The following PLB1 variants were observed in gnomAD, a reference collection of about 807,000 sequenced individuals.
PLB1 encodes phospholipase B1, membrane-associated.
In PLB1, 242 loss-of-function variants were observed where a neutral mutation model predicts 227.4. The ratio of observed to expected loss-of-function variants is 1.06; its 90% confidence interval spans 0.96 to 1.18. The LOEUF is 1.18. Among genes scored for constraint, PLB1 ranks in the 50% most tolerant of loss-of-function variants. The probability of loss-of-function intolerance (pLI) is 0.00; values close to 1 mark genes in which losing one functional copy is unlikely to be tolerated. For synonymous variants in PLB1, 757 were observed against 682.2 expected, an observed-to-expected ratio of 1.11 and a Z score of -1.71; for missense variants, 1,858 against 1,816.3, an observed-to-expected ratio of 1.02 and a Z score of -0.42.
rs72793588 is a variant in PLB1, at chr2:28,601,936, G to T, written c.2645G>T (p.Arg882Leu). The change falls in exon 38 of 58, where the codon CGC (arginine) becomes CTC (leucine). Residue 882 changes from arginine (R) to leucine (L), a missense_variant. Physicochemically the swap from Arg to Leu is moderately radical, Grantham distance 102 (BLOSUM62 -2). Coordinates refer to ENST00000327757, the MANE Select transcript of PLB1 (RefSeq NM_153021.5). ...YSAANFVHHL[R>L]NALDVLHREV... The stretch of plus-strand genomic sequence containing the variant: ...GCAGCCAACTTTGTTCACCATCTCC[G>T]CAATGCCTTGGACGTCCTGCATAGA... 3.7e-6 allele frequency: 6 copies of T among 1,611,256 alleles called. No homozygotes were observed. The highest frequency in any genetic ancestry group is 1.1e-5 in the South Asian group (1 of 91,010).
rs1682404651 is a variant in PLB1, at chr2:28,593,740, G to A, written c.2307G>A (p.Arg769=). Residue 769 remains arginine (R), a synonymous_variant, in exon 33 of 58, where the codon CGG becomes CGA. Coordinates refer to ENST00000327757, the MANE Select transcript of PLB1 (RefSeq NM_153021.5). ...DDLPDVTTQY[R]GLSYSAGGDG... ...TCCCCGATGTCACCACACAGTATCG[G>A]GGACTGTCATACAGGTAATGTTAAC... 1 of 1,613,924 alleles carries A rather than the reference G, an allele frequency of 6.2e-7. No individual in the cohort carries two copies. The highest frequency in any genetic ancestry group is 1.1e-5 in the South Asian group (1 of 91,046).
At chr2:28,591,879 G>C in intron 31 of PLB1, 119 bp downstream of exon 31, 2 of 1,014,040 alleles carry the variant, frequency 2.0e-6, no homozygotes, top group Non-Finnish European at 1.5e-6. Context: ...AGTGCTTGCT[G>C]TCTGCCTGGG....
At position 28,619,958 on chromosome 2, in the gene PLB1, G is replaced by A. The variant is rs1019114975; in HGVS notation, c.3316-307G>A. ...CAGTTCACTCAGGCAGGAGGCCAGC[G>A]TATTGCCCGTGGCAGGGAGGTGAGG... is the stretch of plus-strand genomic sequence containing the variant. On this transcript the variant is annotated intron_variant, in intron 46 of 57. Transcript: ENST00000327757. 5.3e-5 allele frequency among the ~76,000 whole-genome samples: 8 copies of A among 152,150 alleles called. No homozygotes were observed. In the East Asian group the frequency reaches 5.8e-4, roughly 11 times the overall value.
intron 15 of PLB1, among the ~76,000 whole-genome samples, chr2:28,549,609 C>A (rs1673899898): frequency 6.6e-6 from 1 of 151,912 alleles, no homozygotes; most frequent in Admixed American, 6.6e-5. Flanking sequence ...GTCTTTCTAT[C>A]ATTTAATGCT....
intron 26 of PLB1, among the ~76,000 whole-genome samples, chr2:28,587,617 A>G (rs1168723193): frequency 6.6e-6 from 1 of 152,100 alleles, no homozygotes; most frequent in Non-Finnish European, 1.5e-5. Context: ...CAAAAAAAAA[A>G]AAAATCAAAA....
intron 9 of PLB1, among the ~76,000 whole-genome samples, chr2:28,532,979 A>G (rs998085326): frequency 6.6e-6 from 1 of 152,176 alleles, no homozygotes; most frequent in African/African-American, 2.4e-5. Flanking sequence ...GGTGAAATAA[A>G]TGGCACCTGG....
At chr2:28,587,723 A>G (rs569457543) in intron 26 of PLB1, among the ~76,000 whole-genome samples, 1 of 152,208 alleles carries the variant, frequency 6.6e-6, no homozygotes, top group East Asian at 1.9e-4. Context: ...AGCAGAATGG[A>G]TGTTTTGCCA....
intron 17 of PLB1, among the ~76,000 whole-genome samples, chr2:28,561,689 G>A (rs1337695752): frequency 1.3e-5 from 2 of 152,086 alleles, no homozygotes; most frequent in African/African-American, 2.4e-5. Flanking sequence ...CCAGGAGTTC[G>A]AGACCAGCCT....
chr2:28,643,209 T>A lies in PLB1; in HGVS notation c.*148T>A. 6 of 663,232 alleles carry A rather than the reference T, an allele frequency of 9.0e-6. No homozygotes were observed. In the South Asian group the frequency reaches 1.4e-4, roughly 16 times the overall value. The allele number at this position is 663,232 out of a possible 1,614,324, so 41.1% of individuals were successfully genotyped here. A position where few individuals can be genotyped will look rare whatever the true frequency, so the allele number is the denominator to read the frequency against. On this transcript the variant is annotated 3_prime_UTR_variant, in exon 58 of 58. Transcript: ENST00000327757. ...AGTCACAACTTCTTGGGGCCTGGGC[T>A]TCTTCCAGGCCTATGCTCCTGGAAT...
intron 56 of PLB1, among the ~76,000 whole-genome samples, chr2:28,636,028 T>TGTGTATGTATGA (rs1491386673): frequency 1.0e-4 from 12 of 115,176 alleles, no homozygotes; most frequent in Non-Finnish European, 2.4e-4. Flanking sequence ...AATGTGTGTG[T>TGTGTATGTATGA]ATGTGTGTGT....
In PLB1 at chr2:28,516,867, G is replaced by A. The variant is rs777652557; in HGVS notation, c.115G>A (p.Glu39Lys). ...KSTLEGQLWPETLKNSPFPCN... is the reference protein window; with the variant it reads ...KSTLEGQLWPKTLKNSPFPCN... ...TACATTGGAAGGGCAGCTATGGCCA[G>A]AGGTAAGGGCTTTGGCTGGTGGGAG... The change falls in exon 2 of 58, where the codon GAG becomes AAG. Residue 39 changes from glutamate (E) to lysine (K), a missense_variant and splice_region_variant. Physicochemically the swap from Glu to Lys is moderately conservative, Grantham distance 56. Coordinates refer to ENST00000327757, the MANE Select transcript of PLB1 (RefSeq NM_153021.5). 2 of 1,613,614 alleles carry A rather than the reference G, an allele frequency of 1.2e-6. No homozygotes were observed. The highest frequency in any genetic ancestry group is 1.7e-6 in the Non-Finnish European group (2 of 1,179,524).
Position 28,510,778 on chromosome 2 carries a change from T to TTGTGTGTGTGTGTGTGTGTGTGTG in PLB1, c.56-6026_56-6003dup, listed in dbSNP as rs55672002. Among the ~76,000 whole-genome samples the TTGTGTGTGTGTGTGTGTGTGTGTG allele has an allele frequency of 6.0e-3, 855 of 141,544 alleles. 14 individuals are homozygous for TTGTGTGTGTGTGTGTGTGTGTGTG. Among genetic ancestry groups the TTGTGTGTGTGTGTGTGTGTGTGTG allele is most frequent in the African/African-American group, 0.021 (767 of 36,822 alleles). 92.9% of individuals were successfully genotyped at this position (141,544 alleles called of 152,430 possible). A position where few individuals can be genotyped will look rare whatever the true frequency, so the allele number is the denominator to read the frequency against. ...GGCATGCACCACCACACTCAGATAA[T>TTGTGTGTGTGTGTGTGTGTGTGTG]TGTGTGTGTGTGTGTGTGTGTGTGT... On this transcript the variant is annotated intron_variant, in intron 1 of 57. Coordinates refer to ENST00000327757, the MANE Select transcript of PLB1 (RefSeq NM_153021.5).
chr2:28,598,861 T>C, intron 35 of PLB1, 101 bp downstream of exon 35: 1 of 1,017,550 alleles, frequency 9.8e-7, no homozygotes, highest in South Asian at 1.3e-5. Context: ...AAAGGGGCAC[T>C]TAGCCACTTG....
At chr2:28,602,110 T>C in intron 38 of PLB1, 146 bp downstream of exon 38, 1 of 779,472 alleles carries the variant, frequency 1.3e-6, no homozygotes, top group African/African-American at 1.7e-5. Flanking sequence ...GGTTGGGGTC[T>C]AACCCCAAGG....
intron 42 of PLB1, among the ~76,000 whole-genome samples, chr2:28,606,207 T>C (rs1410565633): frequency 6.6e-6 from 1 of 152,168 alleles, no homozygotes; most frequent in Non-Finnish European, 1.5e-5. Flanking sequence ...TCATTCCACT[T>C]TCCCTATGTG....
chr2:28,588,501 G>A (rs1053966683), intron 26 of PLB1, among the ~76,000 whole-genome samples: 1 of 152,156 alleles, frequency 6.6e-6, no homozygotes, highest in Non-Finnish European at 1.5e-5. Context: ...ACAGTGTGTG[G>A]TGTCTTCTGA....
intron 54 of PLB1, among the ~76,000 whole-genome samples, chr2:28,631,158 AAAAAAAAAG>A (rs747059505): frequency 1.1e-4 from 15 of 131,470 alleles, no homozygotes; most frequent in African/African-American, 2.4e-4. Context: ...ATCTCAAAAA[AAAAAAAAAG>A]AAAAAAAGAA....
chr2:28,633,376 C>T (rs1475611846), intron 56 of PLB1: 5 of 266,410 alleles, frequency 1.9e-5, no homozygotes, highest in Non-Finnish European at 3.6e-5. Flanking sequence ...CTTGGGCAAA[C>T]GATCTCTCTG....
rs547532906 is a variant in PLB1, at chr2:28,505,816, G to A, written c.55+9647G>A. 2.0e-5 allele frequency among the ~76,000 whole-genome samples: 3 copies of A among 152,278 alleles called. No homozygotes were observed. The South Asian group carries it at 6.2e-4, about 32-fold the overall frequency. The stretch of plus-strand genomic sequence containing the variant: ...TGAGTCCTTCAAATTATTGATGCAA[G>A]ATCAGGGAGAACCTGCTTGGGTCAC... On this transcript the variant is annotated intron_variant, in intron 1 of 57. Transcript: ENST00000327757.
Sources: gnomAD v4.1 joint callset for allele counts (sites outside exome capture counted in the v4.1 genomes callset) on GRCh38, gnomAD v4.1.1 for gene constraint, MANE v1.5 for transcripts, NCBI Gene and HGNC (gene_info 2026-07-23, HGNC 2026-07-21) for gene names.